The following SOX6 variants were observed in gnomAD, a reference collection of about 807,000 sequenced individuals.
SOX6 encodes the protein transcription factor SOX-6.
A neutral mutation model predicts 97.8 loss-of-function variants in SOX6; 11 were observed. The ratio of observed to expected loss-of-function variants is 0.11; its 90% CI spans 0.07 to 0.19. The LOEUF (loss-of-function observed/expected upper bound fraction) is 0.19, where lower values mean the gene tolerates loss of function less well. Among genes scored for constraint, SOX6 ranks in the 10% least tolerant of loss-of-function variants. The pLI, the probability that SOX6 is intolerant of heterozygous loss-of-function variation, is 1.00. For missense variants in SOX6, 810 were observed against 1,039.5 expected, an observed-to-expected ratio of 0.78 and a Z score of 3.04; for synonymous variants, 360 against 371.4, an observed-to-expected ratio of 0.97 and a Z score of 0.35.
At chr11:16,492,317 A>G (rs1031260598) in intron 4 of SOX6, among the ~76,000 whole-genome samples, 6 of 152,196 alleles carry the variant, frequency 3.9e-5, no homozygotes, top group Non-Finnish European at 8.8e-5. Flanking sequence ...TGCAATGGAC[A>G]GTCCCATGCA....
chr11:16,595,313 CTT>C (rs1848200410), intron 4 of SOX6, among the ~76,000 whole-genome samples: 1 of 152,046 alleles, frequency 6.6e-6, no homozygotes. Context: ...CCACCAATCT[CTT>C]TTCAGAAAGT....
chr11:16,545,524 A>G (rs1289835090), intron 4 of SOX6, among the ~76,000 whole-genome samples: 1 of 152,202 alleles, frequency 6.6e-6, no homozygotes, highest in Non-Finnish European at 1.5e-5. Flanking sequence ...GGGAAAGCTG[A>G]AAGCCTTTCC....
intron 4 of SOX6, among the ~76,000 whole-genome samples, chr11:16,584,332 ACCCAAAATGCATT>A (rs1848068655): frequency 6.6e-6 from 1 of 152,152 alleles, no homozygotes; most frequent in Non-Finnish European, 1.5e-5. Context: ...AGGTAAAAAT[ACCCAAAATGCATT>A]CCCAAGCTCT....
chr11:16,717,733 C>G (rs1179521246), intron 2 of SOX6, among the ~76,000 whole-genome samples: 2 of 152,094 alleles, frequency 1.3e-5, no homozygotes, highest in African/African-American at 2.4e-5. Flanking sequence ...GTAGCACAAT[C>G]AAGAAGTATT....
At chr11:16,292,373 G>T (rs1854942610) in intron 3 of SOX6, among the ~76,000 whole-genome samples, 1 of 152,054 alleles carries the variant, frequency 6.6e-6, no homozygotes, top group Admixed American at 6.6e-5. Context: ...TGGCGCTTTG[G>T]AAGGCTTATC....
intron 9 of SOX6, among the ~76,000 whole-genome samples, chr11:16,090,798 G>A (rs1365280959): frequency 6.6e-6 from 1 of 152,000 alleles, no homozygotes; most frequent in Non-Finnish European, 1.5e-5. Context: ...TTATACTCTA[G>A]TAGGTTAGAC....
rs574581146 is a variant in SOX6 at position 16,597,325 on chromosome 11, T to C, written n.609+14756A>G. ...ATGTATATATATATGTATGTATGTA[T>C]GTATATGTGTGTGTGTATATATATA... is the stretch of plus-strand genomic sequence containing the variant. On this transcript the variant is annotated intron_variant and non_coding_transcript_variant, in intron 4 of 5. Transcript: ENST00000524520. Among the ~76,000 whole-genome samples, 1,186 of 136,610 alleles carry C rather than the reference T, an allele frequency of 8.7e-3. 14 individuals are homozygous for C. The highest frequency in any genetic ancestry group is 0.032 in the African/African-American group (1,134 of 34,998). The allele number at this position is 136,610 out of a possible 152,430, so 89.6% of individuals were successfully genotyped here.
At chr11:16,260,847 C>T (rs895769625) in intron 3 of SOX6, among the ~76,000 whole-genome samples, 3 of 152,136 alleles carry the variant, frequency 2.0e-5, no homozygotes, top group Non-Finnish European at 4.4e-5. Context: ...ACTTACCTCT[C>T]CAGCTATTCT....
chr11:16,563,616 T>C (rs1383372511), intron 4 of SOX6, among the ~76,000 whole-genome samples: 1 of 152,128 alleles, frequency 6.6e-6, no homozygotes, highest in African/African-American at 2.4e-5. Flanking sequence ...TCAGGAAACT[T>C]TGAGGATATA....
At chr11:16,521,072 C>G (rs1443330829) in intron 4 of SOX6, among the ~76,000 whole-genome samples, 1 of 152,214 alleles carries the variant, frequency 6.6e-6, no homozygotes, top group Non-Finnish European at 1.5e-5. Flanking sequence ...AACGAAAAGA[C>G]AGCAGTAACC....
intron 1 of SOX6, among the ~76,000 whole-genome samples, chr11:16,401,951 C>G (rs1200262136): frequency 6.6e-6 from 1 of 151,496 alleles, no homozygotes; most frequent in Non-Finnish European, 1.5e-5. Context: ...AAAAAGTACA[C>G]TTGTTCCTAT....
At chr11:16,020,382 C>T (rs1438425361) in intron 12 of SOX6, among the ~76,000 whole-genome samples, 2 of 152,084 alleles carry the variant, frequency 1.3e-5, no homozygotes, top group Non-Finnish European at 2.9e-5. Flanking sequence ...AGTCCTTCTA[C>T]TCACACTCTT....
chr11:16,204,708 C>T (rs758682871), intron 4 of SOX6, among the ~76,000 whole-genome samples: 1 of 152,032 alleles, frequency 6.6e-6, no homozygotes, highest in Non-Finnish European at 1.5e-5. Context: ...CTATTAAAAA[C>T]TAAATTGAAT....
chr11:16,277,330 G>A (rs1854431427), intron 3 of SOX6, among the ~76,000 whole-genome samples: 1 of 152,068 alleles, frequency 6.6e-6, no homozygotes, highest in Non-Finnish European at 1.5e-5. Context: ...ACCATGTGAG[G>A]ATGCCAGGAT....
chr11:16,616,025 C>T (rs568123942), intron 3 of SOX6, among the ~76,000 whole-genome samples: 1 of 152,224 alleles, frequency 6.6e-6, no homozygotes, highest in East Asian at 1.9e-4. Context: ...TGATAATATC[C>T]TTCTGAGATA....
intron 9 of SOX6, among the ~76,000 whole-genome samples, chr11:16,080,805 G>A (rs2133954744): frequency 6.6e-6 from 1 of 152,174 alleles, no homozygotes; most frequent in Non-Finnish European, 1.5e-5. Flanking sequence ...CAATTAATTT[G>A]GACAGAGGAA....
In SOX6 at chr11:16,605,195, G is replaced by T. The variant is rs1848320660; in HGVS notation, n.609+6886C>A. Among the ~76,000 whole-genome samples, 1 of 151,990 alleles carries T rather than the reference G, an allele frequency of 6.6e-6. No individual in the cohort carries two copies. The highest frequency in any genetic ancestry group is 1.5e-5 in the Non-Finnish European group (1 of 67,962). On this transcript the variant is annotated intron_variant and non_coding_transcript_variant, in intron 4 of 5. Transcript: ENST00000524520. This position sits in a 1 kb window ranked among gnomAD's most constrained non-coding sequence, Gnocchi z 5.3. ...CGGCGGGTGGCGGGGCCCCGGCAGGGCGCCGAGAAGGACGGAGGGCGCCGG... is the reference window on the plus strand; with the variant it reads ...CGGCGGGTGGCGGGGCCCCGGCAGGTCGCCGAGAAGGACGGAGGGCGCCGG...
chr11:16,422,572 A>G (rs1859040064), intron 1 of SOX6, among the ~76,000 whole-genome samples: 1 of 152,190 alleles, frequency 6.6e-6, no homozygotes, highest in Non-Finnish European at 1.5e-5. Context: ...ACATTTTTTA[A>G]GAGTTAATTC....
chr11:16,254,211 T>G (rs11023890), intron 3 of SOX6, among the ~76,000 whole-genome samples: 118,842 of 151,912 alleles, frequency 0.78, 46,630 homozygotes, highest in Non-Finnish European at 0.8. Flanking sequence ...GATGTTGAAG[T>G]TCTTCAGGGA....
Sources: gnomAD v4.1 joint callset for allele counts (sites outside exome capture counted in the v4.1 genomes callset) on GRCh38, gnomAD v4.1.1 for gene constraint, Gnocchi (gnomAD v3.1) non-coding constraint, MANE v1.5 for transcripts, NCBI Gene and HGNC (gene_info 2026-07-23, HGNC 2026-07-21) for gene names.